PAFAH1B1: variants seen among roughly 807,000 people sequenced by gnomAD.
PAFAH1B1 encodes the protein platelet activating factor acetylhydrolase 1b regulatory subunit 1, also known as platelet-activating factor acetylhydrolase IB subunit beta.
A neutral mutation model predicts 57.5 loss-of-function variants in PAFAH1B1; 2 were observed. That is an observed-to-expected ratio of 0.03 (90% CI 0.01 to 0.11). The LOEUF is 0.11. PAFAH1B1 is among the 10% of genes least tolerant of loss of function. The pLI, the probability that PAFAH1B1 is intolerant of heterozygous loss-of-function variation, is 1.00. For synonymous variants in PAFAH1B1, 152 were observed against 169.6 expected, an observed-to-expected ratio of 0.90 and a Z score of 0.81; for missense variants, 257 against 512.0, an observed-to-expected ratio of 0.50 and a Z score of 4.81.
intron 1 of PAFAH1B1, among the ~76,000 whole-genome samples, chr17:2,616,997 C>T (rs976852824): frequency 1.2e-4 from 19 of 152,038 alleles, no homozygotes; most frequent in Non-Finnish European, 1.8e-4. Flanking sequence ...GGTGTGAACC[C>T]GGGAGGCAGA....
intron 2 of PAFAH1B1, among the ~76,000 whole-genome samples, chr17:2,658,177 T>C (rs961775900): frequency 6.6e-6 from 1 of 152,240 alleles, no homozygotes; most frequent in South Asian, 2.1e-4. Flanking sequence ...GTCAATAATA[T>C]AGTAACTTTA....
At chr17:2,625,510 A>G (rs1019526502) in intron 1 of PAFAH1B1, among the ~76,000 whole-genome samples, 1 of 152,242 alleles carries the variant, frequency 6.6e-6, no homozygotes, top group Non-Finnish European at 1.5e-5. Context: ...AAAGGTTAAG[A>G]ACTTCTATAC....
intron 8 of PAFAH1B1, among the ~76,000 whole-genome samples, chr17:2,676,139 C>T (rs537205653): frequency 3.9e-5 from 6 of 152,146 alleles, no homozygotes; most frequent in Non-Finnish European, 8.8e-5. Flanking sequence ...TTTGGGAGGC[C>T]GAGGTGGGCC....
intron 1 of PAFAH1B1, chr17:2,609,714 G>C (rs1453787718): frequency 6.6e-6 from 1 of 152,092 alleles, no homozygotes; most frequent in Non-Finnish European, 1.5e-5. Flanking sequence ...GTTTTACCAT[G>C]TTGGCCAGGC....
intron 2 of PAFAH1B1, among the ~76,000 whole-genome samples, chr17:2,644,088 C>T (rs533174135): frequency 2.6e-5 from 4 of 151,182 alleles, no homozygotes; most frequent in East Asian, 3.9e-4. Flanking sequence ...ATGTTGCCCA[C>T]GGTGGTCTCA....
intron 5 of PAFAH1B1, among the ~76,000 whole-genome samples, chr17:2,668,836 A>T (rs1212799695): frequency 6.6e-6 from 1 of 151,604 alleles, no homozygotes; most frequent in Non-Finnish European, 1.5e-5. Context: ...ATTAGCCGGG[A>T]GTGATGGCGG....
Position 2,680,184 on chromosome 17 carries a change from A to G in PAFAH1B1, c.1023A>G (p.Val341=). Residue 341 remains valine (V), a synonymous_variant, in exon 10 of 11, where the codon GTA becomes GTG. Transcript: ENST00000397195. ...LMTLVGHDNW[V]RGVLFHSGGK... is the part of the protein sequence containing the mutation. ...TTAAGGTGGGTCATGATAACTGGGT[A>G]CGTGGAGTTCTGTTCCATTCTGGGG... is the stretch of plus-strand genomic sequence containing the variant. 1 of 1,614,168 alleles carries G rather than the reference A, an allele frequency of 6.2e-7. No homozygotes were observed. Among genetic ancestry groups the G allele is most frequent in the Admixed American group, 1.7e-5 (1 of 60,026 alleles).
intron 1 of PAFAH1B1, among the ~76,000 whole-genome samples, chr17:2,633,222 C>T (rs764096015): frequency 6.0e-5 from 9 of 149,748 alleles, no homozygotes; most frequent in Non-Finnish European, 1.2e-4. Flanking sequence ...CAGGGCAGTG[C>T]AGTGATGCAA....
chr17:2,626,557 C>T lies in PAFAH1B1; in HGVS notation c.-190-11542C>T, dbSNP rs1198367514. Among the ~76,000 whole-genome samples the T allele has an allele frequency of 2.4e-4, 7 of 28,932 alleles. 1 individual carries two copies. Among genetic ancestry groups the T allele is most frequent in the African/African-American group, 1.2e-3 (7 of 5,664 alleles). The allele number at this position is 28,932 out of a possible 152,430, so 19.0% of individuals were successfully genotyped here. A position where few individuals can be genotyped will look rare whatever the true frequency, so the allele number is the denominator to read the frequency against. On this transcript the variant is annotated intron_variant, in intron 1 of 10. Transcript: ENST00000397195. ...TTGAACCGGCATCACCTTTCTTCCC[C>T]CCCCCCCCCCCCCCGAGGCGGAGTC...
intron 8 of PAFAH1B1, among the ~76,000 whole-genome samples, chr17:2,675,383 C>T (rs1202747623): frequency 1.3e-5 from 2 of 152,188 alleles, no homozygotes; most frequent in South Asian, 2.1e-4. Context: ...AGTTTCCTCT[C>T]CCTCTACCCC....
At chr17:2,635,780 G>A (rs996031593) in intron 1 of PAFAH1B1, among the ~76,000 whole-genome samples, 1 of 151,698 alleles carries the variant, frequency 6.6e-6, no homozygotes, top group Non-Finnish European at 1.5e-5. Flanking sequence ...GATTAAAGCA[G>A]GGAGTTTTGC....
At position 2,626,334 on chromosome 17, in the gene PAFAH1B1, A is replaced by C. The variant is rs551302509; in HGVS notation, c.-190-11765A>C. On this transcript the variant is annotated intron_variant, in intron 1 of 10. Coordinates refer to ENST00000397195, the MANE Select transcript of PAFAH1B1 (RefSeq NM_000430.4). ...ATTAAAAGGCAACTGGAAAGGTAAA[A>C]TTGTATTCTTAAAATAAGTATGATA... Among the ~76,000 whole-genome samples, 40 of 152,256 alleles carry C rather than the reference A, an allele frequency of 2.6e-4. No individual in the cohort carries two copies. In the East Asian group the frequency reaches 7.1e-3, roughly 27 times the overall value.
chr17:2,627,913 T>A (rs1213408290), intron 1 of PAFAH1B1, among the ~76,000 whole-genome samples: 1 of 152,240 alleles, frequency 6.6e-6, no homozygotes, highest in Non-Finnish European at 1.5e-5. Context: ...GCTACTGATT[T>A]GTGTACATTA....
At chr17:2,604,396 G>A (rs900427625) in intron 1 of PAFAH1B1, among the ~76,000 whole-genome samples, 9 of 152,142 alleles carry the variant, frequency 5.9e-5, no homozygotes. Context: ...GTATTTTAAA[G>A]CTGTCCTGAG....
At chr17:2,600,222 A>G (rs1295914914) in intron 1 of PAFAH1B1, among the ~76,000 whole-genome samples, 4 of 152,020 alleles carry the variant, frequency 2.6e-5, no homozygotes, top group African/African-American at 9.7e-5. Flanking sequence ...CTGGGATTAC[A>G]GGTGTGAGCC....
chr17:2,619,640 A>C (rs936584534), intron 1 of PAFAH1B1, among the ~76,000 whole-genome samples: 3 of 151,620 alleles, frequency 2.0e-5, no homozygotes, highest in African/African-American at 7.3e-5. Flanking sequence ...GGTACTTCTT[A>C]GTTTATAAAA....
chr17:2,652,219 G>A (rs913546366), intron 2 of PAFAH1B1, among the ~76,000 whole-genome samples: 1 of 151,958 alleles, frequency 6.6e-6, no homozygotes, highest in Admixed American at 6.6e-5. Flanking sequence ...GACCATCCTG[G>A]CTAACACGGT....
chr17:2,667,465 A>C (rs1161198145), intron 5 of PAFAH1B1: 1 of 384,374 alleles, frequency 2.6e-6, no homozygotes, highest in Non-Finnish European at 4.9e-6. Flanking sequence ...AATTGGAATA[A>C]AATATCATTG....
chr17:2,675,203 A>G (rs1454717566), intron 8 of PAFAH1B1, among the ~76,000 whole-genome samples: 2 of 152,102 alleles, frequency 1.3e-5, no homozygotes, highest in Non-Finnish European at 2.9e-5. Context: ...AGGTTTTGCC[A>G]TGTTGGCCAG....
Sources: allele counts gnomAD v4.1 joint callset (sites outside exome capture counted in the v4.1 genomes callset), GRCh38; gene constraint gnomAD v4.1.1; transcripts MANE v1.5; gene names NCBI Gene and HGNC (gene_info 2026-07-23, HGNC 2026-07-21).